Variants in RIF1 observed in about 807,000 individuals in gnomAD.
RIF1 encodes replication timing regulatory factor 1, also known as telomere-associated protein RIF1.
RIF1 carries 45 observed loss-of-function variants against 247.1 expected under a neutral mutation model. The observed-to-expected ratio is 0.18, with a 90% CI of 0.14 to 0.23. The LOEUF (loss-of-function observed/expected upper bound fraction) is 0.23, where lower values mean the gene tolerates loss of function less well. Ranked by LOEUF, RIF1 falls within the 10% of genes least tolerant of loss-of-function variation. The pLI is 1.00. For missense variants in RIF1, 2,967 were observed against 2,862.5 expected, an observed-to-expected ratio of 1.04 and a Z score of -0.83; for synonymous variants, 1,087 against 978.8, an observed-to-expected ratio of 1.11 and a Z score of -2.06.
At chr2:151,452,424 ATTC>A (rs1040363186) in intron 21 of RIF1, among the ~76,000 whole-genome samples, 3 of 152,206 alleles carry the variant, frequency 2.0e-5, no homozygotes, top group African/African-American at 7.2e-5. Context: ...GAGATATATT[ATTC>A]TTGTTTAAAG....
At chr2:151,467,168 G>A (rs368365465) in intron 30 of RIF1, among the ~76,000 whole-genome samples, 3 of 151,968 alleles carry the variant, frequency 2.0e-5, no homozygotes, top group Admixed American at 6.6e-5. Context: ...TGCAGAGGTC[G>A]CAGTGAGCTG....
rs753597838 is a variant in RIF1, at chr2:151,441,870, G to A, written c.1648-35G>A. On this transcript the variant is annotated intron_variant, in intron 15 of 35. Coordinates refer to ENST00000444746, the MANE Select transcript of RIF1 (RefSeq NM_018151.5). Reference sequence around the variant, plus strand: ...GATTTTTATTAGATAATATTTTTACGGCTAATTTACTGTAAAACCTTTTAT... The same window carrying A: ...GATTTTTATTAGATAATATTTTTACAGCTAATTTACTGTAAAACCTTTTAT... 1.1e-5 allele frequency: 11 copies of A among 957,674 alleles called. No homozygotes were observed. In the South Asian group the frequency reaches 1.2e-4, roughly 10 times the overall value. 59.3% of individuals were successfully genotyped at this position (957,674 alleles called of 1,614,324 possible). A position where few individuals can be genotyped will look rare whatever the true frequency, so the allele number is the denominator to read the frequency against.
the RIF1 span, chr2:151,525,219 T>G: frequency 6.2e-7 from 1 of 1,614,008 alleles, no homozygotes; most frequent in Non-Finnish European, 8.5e-7. Flanking sequence ...GGCTCCAGCA[T>G]GATGGAGTAG....
Position 151,451,868 on chromosome 2 carries a change from C to G in RIF1, c.2344+163C>G, listed in dbSNP as rs1266587035. ...AGGAGCTTTCATACATGTTCTCTCT[C>G]TTTTTTCTTTTTAATTTTCATATGC... On this transcript the variant is annotated intron_variant, in intron 21 of 35. Coordinates refer to ENST00000444746, the MANE Select transcript of RIF1 (RefSeq NM_018151.5). Among the ~76,000 whole-genome samples the G allele has an allele frequency of 2.0e-5, 3 of 152,130 alleles. No individual in the cohort carries two copies. In the East Asian group the frequency reaches 5.8e-4, roughly 29 times the overall value.
At chr2:151,427,072 T>C (rs1435776203) in intron 8 of RIF1, among the ~76,000 whole-genome samples, 1 of 152,188 alleles carries the variant, frequency 6.6e-6, no homozygotes, top group Non-Finnish European at 1.5e-5. Flanking sequence ...TTTTATTTTC[T>C]AAACCTTTTT....
At chr2:151,490,144 G>C (rs2055067899) in intron 9 of RIF1, 1 of 1,289,092 alleles carries the variant, frequency 7.8e-7, no homozygotes, top group African/African-American at 1.5e-5. Context: ...TCTGTGTTTA[G>C]CAGCTGAGTG....
chr2:151,497,193 G>A (rs1479032387), intron 10 of RIF1: 1 of 745,962 alleles, frequency 1.3e-6, no homozygotes, highest in Non-Finnish European at 1.6e-6. Context: ...CTTTACTTTA[G>A]TGGAAGTTGT....
At chr2:151,452,804 T>A (rs906424493) in intron 21 of RIF1, among the ~76,000 whole-genome samples, 1 of 152,240 alleles carries the variant, frequency 6.6e-6, no homozygotes, top group Non-Finnish European at 1.5e-5. Context: ...ATCAGTCTCA[T>A]TTTGACATAA....
chr2:151,509,357 T>C (rs1294099748), downstream of RIF1, among the ~76,000 whole-genome samples: 1 of 151,646 alleles, frequency 6.6e-6, no homozygotes, highest in Non-Finnish European at 1.5e-5. Context: ...GGGAAAAGAA[T>C]AGAAACAATC....
intron 2 of RIF1, among the ~76,000 whole-genome samples, chr2:151,410,998 G>T (rs571625073): frequency 1.3e-5 from 2 of 152,268 alleles, no homozygotes; most frequent in Admixed American, 6.5e-5. Flanking sequence ...TAGGAATAGG[G>T]ATCCCTGTTC....
intron 3 of RIF1, among the ~76,000 whole-genome samples, chr2:151,413,462 A>G (rs1296748305): frequency 6.6e-6 from 1 of 152,254 alleles, no homozygotes; most frequent in African/African-American, 2.4e-5. Context: ...CTTTCAGAGT[A>G]GGAACCATAC....
rs1697228063 is a variant in RIF1 at position 151,468,079 on chromosome 2, G to A, written c.6680G>A (p.Arg2227Lys). Residue 2227 changes from arginine to lysine, a missense_variant, in exon 31 of 36, where the codon AGG becomes AAG. Physicochemically the swap from Arg to Lys is conservative, Grantham distance 26. This residue lies in a region of RIF1 where 2,028 missense variants were observed against 1,825.6 expected (regional missense o/e 1.11). Coordinates refer to ENST00000444746, the MANE Select transcript of RIF1 (RefSeq NM_018151.5). ...DDIDRRCSIV[R>K]SHSSNSSPIG... ...ATTGATAGACGGTGCTCTATTGTTAGGTCCCATTCTTCCAATAGTTCTCCC... is the reference window on the plus strand; with the variant it reads ...ATTGATAGACGGTGCTCTATTGTTAAGTCCCATTCTTCCAATAGTTCTCCC... The A allele has an allele frequency of 2.5e-6, 4 of 1,613,554 alleles. No homozygotes were observed. In the African/African-American group the frequency reaches 4.0e-5, roughly 16 times the overall value.
chr2:151,493,629 G>T, intron 9 of RIF1: 3 of 751,174 alleles, frequency 4.0e-6, no homozygotes, highest in Non-Finnish European at 6.3e-6. Flanking sequence ...GACCTCGTGG[G>T]GTTGGTTTGT....
chr2:151,497,010 G>T (rs1574981672), intron 10 of RIF1: 1 of 1,573,438 alleles, frequency 6.4e-7, no homozygotes, highest in East Asian at 2.3e-5. Context: ...GGGTTCCCTT[G>T]CCCATGTTTT....
intron 11 of RIF1, chr2:151,501,358 T>A: frequency 7.5e-7 from 1 of 1,325,252 alleles, no homozygotes; most frequent in Non-Finnish European, 1.1e-6. Flanking sequence ...TATTATTTTT[T>A]AATATGGAGT....
At chr2:151,494,043 C>G in intron 9 of RIF1, 1 of 958,280 alleles carries the variant, frequency 1.0e-6, no homozygotes, top group Admixed American at 2.1e-5. Context: ...ATATTTAGAG[C>G]AGATGCAAAT....
chr2:151,504,615 T>G (rs2067308234), intron 12 of RIF1, among the ~76,000 whole-genome samples: 1 of 152,208 alleles, frequency 6.6e-6, no homozygotes, highest in Admixed American at 6.5e-5. Flanking sequence ...AGTTCAGTCC[T>G]CCATTGACCA....
At chr2:151,436,746 A>G (rs1691293275) in intron 11 of RIF1, 81 bp from the exon 12 acceptor site, 1 of 1,017,936 alleles carries the variant, frequency 9.8e-7, no homozygotes, top group African/African-American at 1.6e-5. Flanking sequence ...TAAAAGTTTC[A>G]TTGAAATGAA....
At chr2:151,528,984 C>A in the RIF1 span, among the ~76,000 whole-genome samples, 1 of 152,230 alleles carries the variant, frequency 6.6e-6, no homozygotes, top group Non-Finnish European at 1.5e-5. Context: ...GTGGGTGTAG[C>A]ATCCATGGCA....
Sources: allele counts gnomAD v4.1 joint callset (sites outside exome capture counted in the v4.1 genomes callset), GRCh38; gene constraint gnomAD v4.1.1; regional missense constraint gnomAD v4.1.1; transcripts MANE v1.5; gene names NCBI Gene and HGNC (gene_info 2026-07-23, HGNC 2026-07-21).